The following WDR11 variants were observed in gnomAD, a reference collection of about 807,000 sequenced individuals.
WDR11 encodes WD repeat-containing protein 11.
In WDR11, 83 loss-of-function variants were observed where a neutral mutation model predicts 151.2. The observed-to-expected ratio is 0.55, with a 90% CI of 0.46 to 0.66. The LOEUF is 0.66. Ranked by LOEUF, WDR11 falls within the 30% of genes least tolerant of loss-of-function variation. The pLI, the probability that WDR11 is intolerant of heterozygous loss-of-function variation, is 0.00. For missense variants in WDR11, 1,301 were observed against 1,480.9 expected (o/e 0.88, Z 1.99); for synonymous variants, 484 against 533.1 (o/e 0.91, Z 1.27).
In WDR11 at chr10:120,885,286, TACAC is replaced by T. The variant is rs5788451; in HGVS notation, c.1849-506_1849-503del. Among the ~76,000 whole-genome samples, 75 of 147,440 alleles carry T rather than the reference TACAC, an allele frequency of 5.1e-4. 1 individual carries two copies. The South Asian group carries it at 6.9e-3, about 14-fold the overall frequency. ...ACAGGATGAAGTATATATATATATA[TACAC>T]ACACACACACACACACACACATATA... On this transcript the variant is annotated intron_variant, in intron 14 of 28. Coordinates refer to ENST00000263461, the MANE Select transcript of WDR11 (RefSeq NM_018117.12).
intron 16 of WDR11, among the ~76,000 whole-genome samples, chr10:120,888,456 T>C (rs1847299996): frequency 6.6e-6 from 1 of 152,222 alleles, no homozygotes; most frequent in South Asian, 2.1e-4. Context: ...GAACTGCAAG[T>C]TCCTTTCTTC....
rs371965693 is a variant in WDR11 at position 120,886,761 on chromosome 10, C to T, written c.2046C>T (p.Thr682=). The T allele has an allele frequency of 3.5e-5, 57 of 1,613,760 alleles. 1 individual carries two copies. Among genetic ancestry groups the T allele is most frequent in the Non-Finnish European group, 4.5e-5 (53 of 1,179,944 alleles). ...CTGCCCGGGAACATTTTGTATTTAC[C>T]GATATTGATGGCCAAGTGTATCATC... is the stretch of plus-strand genomic sequence containing the variant. ...NISAREHFVF[T]DIDGQVYHLT... is the part of the protein sequence containing the mutation. Residue 682 remains threonine (T), a synonymous_variant, in exon 16 of 29, where the codon ACC becomes ACT. Transcript: ENST00000263461.
chr10:120,885,002 A>G (rs1847165612), intron 14 of WDR11: 1 of 152,284 alleles, frequency 6.6e-6, no homozygotes, highest in Admixed American at 6.5e-5. Context: ...ATGTAGACCA[A>G]TGCAGCCATT....
rs1283833537 is a variant in WDR11 at position 120,909,446 on chromosome 10, G to A, written c.*733G>A. The A allele has an allele frequency of 1.3e-5, 2 of 152,688 alleles. No homozygotes were observed. The highest frequency in any genetic ancestry group is 2.4e-5 in the African/African-American group (1 of 41,422). 9.5% of individuals were successfully genotyped at this position (152,688 alleles called of 1,614,324 possible). On this transcript the variant is annotated 3_prime_UTR_variant, in exon 29 of 29. Coordinates refer to ENST00000263461, the MANE Select transcript of WDR11 (RefSeq NM_018117.12). The stretch of plus-strand genomic sequence containing the variant: ...TGTTCTAATAGTTGAAGTATGAGAT[G>A]TAACTATTATAAACTGTTGCTGAAA...
At chr10:120,875,268 A>T (rs1208011928) in intron 11 of WDR11, among the ~76,000 whole-genome samples, 4 of 152,218 alleles carry the variant, frequency 2.6e-5, no homozygotes, top group African/African-American at 9.6e-5. Context: ...TTGTTTAAAC[A>T]TCATCAGAAC....
intron 11 of WDR11, among the ~76,000 whole-genome samples, chr10:120,874,193 G>GTTTTTTTTTTTTTTTTTTTTTTTTT (rs1554854855): frequency 1.3e-5 from 1 of 75,332 alleles, no homozygotes; most frequent in African/African-American, 4.6e-5. Flanking sequence ...TTTTTTTTTT[G>GTTTTTTTTTTTTTTTTTTTTTTTTT]TTGTTGTTGT....
At chr10:120,883,749 G>A (rs1306193761) in intron 13 of WDR11, 31 bp from the exon 14 acceptor site, 2 of 1,606,134 alleles carry the variant, frequency 1.2e-6, no homozygotes, top group Non-Finnish European at 1.7e-6. Flanking sequence ...TTTGCAAAAA[G>A]GGGCTTATTT....
intron 9 of WDR11, among the ~76,000 whole-genome samples, chr10:120,867,989 A>G (rs1846373826): frequency 6.6e-6 from 1 of 152,244 alleles, no homozygotes. Context: ...TGAAATTATA[A>G]GGCTTTGTAA....
intron 2 of WDR11, among the ~76,000 whole-genome samples, chr10:120,854,529 G>A (rs1845884247): frequency 6.6e-6 from 1 of 152,142 alleles, no homozygotes; most frequent in South Asian, 2.1e-4. Flanking sequence ...TGTTTCTAGG[G>A]GTGGAATTAC....
intron 11 of WDR11, among the ~76,000 whole-genome samples, chr10:120,877,210 C>G (rs1003130361): frequency 2.6e-5 from 4 of 152,060 alleles, no homozygotes; most frequent in African/African-American, 9.7e-5. Flanking sequence ...GGTTGAGTAA[C>G]ATTGAAATTG....
chr10:120,902,921 C>G (rs553489804), intron 22 of WDR11, 134 bp from the exon 23 acceptor site: 26 of 932,062 alleles, frequency 2.8e-5, no homozygotes, highest in Admixed American at 8.0e-5. Flanking sequence ...CTCCCCCTTT[C>G]ACCCTGTCAG....
chr10:120,890,017 C>A lies in WDR11; in HGVS notation c.2343+8C>A. The A allele has an allele frequency of 6.4e-7, 1 of 1,554,856 alleles. No individual in the cohort carries two copies. The highest frequency in any genetic ancestry group is 8.9e-7 in the Non-Finnish European group (1 of 1,126,550). On this transcript the variant is annotated splice_region_variant and intron_variant, in intron 18 of 28. Transcript: ENST00000263461. ...GTGTGGGATACTAAAGAGGTAGGCC[C>A]TCTCCATGAGGATAAAACGTAAATA...
At chr10:120,895,619 C>A (rs1313585038) in intron 19 of WDR11, among the ~76,000 whole-genome samples, 1 of 152,128 alleles carries the variant, frequency 6.6e-6, no homozygotes, top group Admixed American at 6.5e-5. Context: ...ATTCACAAGT[C>A]ACAGACTGTC....
Position 120,902,410 on chromosome 10 carries a change from T to G in WDR11, c.2753+88T>G, listed in dbSNP as rs1847863516. 27 of 1,169,628 alleles carry G rather than the reference T, an allele frequency of 2.3e-5. No homozygotes were observed. The South Asian group carries it at 3.2e-4, about 14-fold the overall frequency. The allele number at this position is 1,169,628 out of a possible 1,614,324, so 72.5% of individuals were successfully genotyped here. Reference sequence around the variant, plus strand: ...GGGTTTTTAGTTAGAAACACTTAGATTTTAGAAAAATGTATCAGTTCATCC... The same window carrying G: ...GGGTTTTTAGTTAGAAACACTTAGAGTTTAGAAAAATGTATCAGTTCATCC... On this transcript the variant is annotated intron_variant, in intron 22 of 28. Transcript: ENST00000263461.
intron 11 of WDR11, among the ~76,000 whole-genome samples, chr10:120,875,150 C>A (rs1432190452): frequency 6.6e-6 from 1 of 152,176 alleles, no homozygotes; most frequent in African/African-American, 2.4e-5. Context: ...TGAACTCATT[C>A]TTTTTTATGG....
intron 11 of WDR11, among the ~76,000 whole-genome samples, chr10:120,874,173 G>A (rs1185212187): frequency 2.4e-5 from 2 of 84,114 alleles, no homozygotes; most frequent in East Asian, 5.6e-4. Flanking sequence ...TGCGGTTTTT[G>A]CAGTTTTTTT....
intron 27 of WDR11, 64 bp from the exon 28 acceptor site, chr10:120,906,712 G>T: frequency 6.2e-7 from 1 of 1,613,370 alleles, no homozygotes; most frequent in Non-Finnish European, 8.5e-7. Flanking sequence ...TATACCCTTC[G>T]ATGCTGCTGC....
chr10:120,859,585 A>T (rs901898538), intron 3 of WDR11, among the ~76,000 whole-genome samples: 1 of 152,170 alleles, frequency 6.6e-6, no homozygotes, highest in African/African-American at 2.4e-5. Context: ...TATTCTTTAG[A>T]CTTAAGTCCT....
At chr10:120,888,624 G>A (rs914930963) in intron 16 of WDR11, among the ~76,000 whole-genome samples, 1 of 152,194 alleles carries the variant, frequency 6.6e-6, no homozygotes, top group African/African-American at 2.4e-5. Context: ...ACGTGTCAGT[G>A]AAGCTCTGGA....
Sources: gnomAD v4.1 joint callset for allele counts (sites outside exome capture counted in the v4.1 genomes callset) on GRCh38, gnomAD v4.1.1 for gene constraint, MANE v1.5 for transcripts, NCBI Gene and HGNC (gene_info 2026-07-23, HGNC 2026-07-21) for gene names.